The following SEMA3D variants were observed in gnomAD, a reference collection of about 807,000 sequenced individuals.
The protein encoded by SEMA3D is semaphorin 3D.
In SEMA3D, 84 loss-of-function variants were observed where a neutral mutation model predicts 100.1. That is an observed-to-expected ratio of 0.84 (90% CI 0.70 to 1.01). SEMA3D has a LOEUF of 1.01. Ranked by LOEUF, SEMA3D falls within the 50% of genes least tolerant of loss-of-function variation. The pLI is 0.00. For synonymous variants in SEMA3D, 312 were observed against 320.7 expected, an observed-to-expected ratio of 0.97 and a Z score of 0.29; for missense variants, 875 against 934.1, an observed-to-expected ratio of 0.94 and a Z score of 0.82.
At chr7:85,175,501 A>G (rs1449453670) in intron 1 of SEMA3D, among the ~76,000 whole-genome samples, 1 of 152,196 alleles carries the variant, frequency 6.6e-6, no homozygotes, top group Admixed American at 6.5e-5. Flanking sequence ...TCTAAGTCAA[A>G]AATCCCCACA....
At chr7:85,141,178 C>T in intron 2 of SEMA3D, 1 of 984,206 alleles carries the variant, frequency 1.0e-6, no homozygotes, top group Non-Finnish European at 1.2e-6. Flanking sequence ...CTAGTTGCAG[C>T]ACTATCATTT....
At chr7:85,177,370 T>C (rs1027524143) in intron 1 of SEMA3D, among the ~76,000 whole-genome samples, 2 of 152,156 alleles carry the variant, frequency 1.3e-5, no homozygotes, top group Non-Finnish European at 2.9e-5. Flanking sequence ...ATATATATTA[T>C]ACATATAACA....
At chr7:85,230,901 C>T in the SEMA3D span, among the ~76,000 whole-genome samples, 1 of 152,152 alleles carries the variant, frequency 6.6e-6, no homozygotes, top group Non-Finnish European at 1.5e-5. Flanking sequence ...GCCTTTCATA[C>T]TCAGTTGCCA....
chr7:85,017,793 G>A (rs760703438), intron 15 of SEMA3D, among the ~76,000 whole-genome samples: 2 of 151,748 alleles, frequency 1.3e-5, no homozygotes, highest in African/African-American at 4.8e-5. Flanking sequence ...AACTCTGGAG[G>A]TGGATATTGT....
intron 1 of SEMA3D, among the ~76,000 whole-genome samples, chr7:85,185,297 A>C (rs956987040): frequency 1.3e-5 from 2 of 151,176 alleles, no homozygotes; most frequent in African/African-American, 4.9e-5. Flanking sequence ...CTCCGCCTCA[A>C]CCCTTCCCTC....
chr7:85,156,715 G>A (rs1790607975), intron 1 of SEMA3D, among the ~76,000 whole-genome samples: 1 of 152,068 alleles, frequency 6.6e-6, no homozygotes, highest in Admixed American at 6.6e-5. Context: ...CACAAAGAAA[G>A]AGAGCTGACA....
At chr7:85,110,164 G>A (rs1789052927) in intron 3 of SEMA3D, among the ~76,000 whole-genome samples, 1 of 151,900 alleles carries the variant, frequency 6.6e-6, no homozygotes. Context: ...CATGGCAATA[G>A]TGCATCATAT....
At chr7:85,034,629 C>T (rs752250532) in intron 12 of SEMA3D, among the ~76,000 whole-genome samples, 13 of 151,666 alleles carry the variant, frequency 8.6e-5, no homozygotes, top group Non-Finnish European at 1.3e-4. Context: ...CAAAACAAAA[C>T]AAAACAAAAT....
At chr7:85,019,960 A>T (rs555653653) in intron 14 of SEMA3D, among the ~76,000 whole-genome samples, 3 of 151,650 alleles carry the variant, frequency 2.0e-5, no homozygotes, top group Admixed American at 1.3e-4. Context: ...CTTTCATTTA[A>T]TGTGGCAATT....
At chr7:85,193,134 T>C in the SEMA3D span, among the ~76,000 whole-genome samples, 1 of 151,986 alleles carries the variant, frequency 6.6e-6, no homozygotes, top group Non-Finnish European at 1.5e-5. Flanking sequence ...AGAAATAAGC[T>C]CATGGGGCAA....
rs35691304 is a variant in SEMA3D at position 85,016,787 on chromosome 7, C to CTT, written c.1545+1463_1545+1464dup. Among the ~76,000 whole-genome samples, 1,109 of 132,348 alleles carry CTT rather than the reference C, an allele frequency of 8.4e-3. 6 individuals carry two copies. The highest frequency in any genetic ancestry group is 9.3e-3 in the Non-Finnish European group (581 of 62,386). 86.8% of individuals were successfully genotyped at this position (132,348 alleles called of 152,430 possible). ...GTTTGTTTGTTTTCCTTTTCAATGG[C>CTT]TTTTTTTTTTTTTTTTGAGCCAGGT... On this transcript the variant is annotated intron_variant, in intron 15 of 18. Transcript: ENST00000284136.
chr7:85,124,970 A>G (rs976727584), intron 2 of SEMA3D, among the ~76,000 whole-genome samples: 21 of 152,136 alleles, frequency 1.4e-4, no homozygotes, highest in African/African-American at 3.6e-4. Context: ...TGTTCCTTCC[A>G]TTATTTCTTG....
chr7:85,118,096 T>A (rs1789298220), intron 3 of SEMA3D, among the ~76,000 whole-genome samples: 1 of 152,060 alleles, frequency 6.6e-6, no homozygotes. Context: ...TATTTCTCTG[T>A]CTTCAGGTTT....
chr7:85,115,623 C>A (rs1329873689), intron 3 of SEMA3D, among the ~76,000 whole-genome samples: 2 of 151,732 alleles, frequency 1.3e-5, no homozygotes, highest in African/African-American at 2.4e-5. Context: ...CTTTTTAAGG[C>A]AGTATTATAT....
the SEMA3D span, among the ~76,000 whole-genome samples, chr7:85,200,343 A>G: frequency 2.6e-5 from 4 of 152,188 alleles, no homozygotes; most frequent in Non-Finnish European, 5.9e-5. Context: ...TGGACAATAA[A>G]GTCCAGGCTG....
chr7:85,217,474 T>A, the SEMA3D span, among the ~76,000 whole-genome samples: 6 of 151,964 alleles, frequency 3.9e-5, no homozygotes, highest in African/African-American at 1.4e-4. Flanking sequence ...ATTAAGCAAC[T>A]AAGATATGTA....
At chr7:85,012,990 C>G (rs1789999405) in intron 16 of SEMA3D, 144 bp from the exon 17 acceptor site, 2 of 596,648 alleles carry the variant, frequency 3.4e-6, no homozygotes, top group Non-Finnish European at 6.0e-6. Flanking sequence ...ATATTCCAAT[C>G]AATCTAACAT....
intron 1 of SEMA3D, among the ~76,000 whole-genome samples, chr7:85,171,317 G>C (rs1161237279): frequency 1.3e-5 from 2 of 152,030 alleles, no homozygotes; most frequent in African/African-American, 4.8e-5. Flanking sequence ...AAGTGAATGG[G>C]TCAGTGAACA....
At chr7:85,057,348 G>T (rs181140600) in intron 8 of SEMA3D, among the ~76,000 whole-genome samples, 1 of 152,140 alleles carries the variant, frequency 6.6e-6, no homozygotes, top group Non-Finnish European at 1.5e-5. Context: ...AGAGAGTATG[G>T]TTATTGAGAA....
Sources: allele counts gnomAD v4.1 joint callset (sites outside exome capture counted in the v4.1 genomes callset), GRCh38; gene constraint gnomAD v4.1.1; transcripts MANE v1.5; gene names NCBI Gene and HGNC (gene_info 2026-07-23, HGNC 2026-07-21).